B9D1: variants seen among roughly 807,000 people sequenced by gnomAD.
B9D1 encodes the protein B9 domain containing 1, also known as B9 domain-containing protein 1.
In B9D1, 20 loss-of-function variants were observed where a neutral mutation model predicts 26.1. That is an observed-to-expected ratio of 0.77 (90% confidence interval 0.54 to 1.12). B9D1 has a LOEUF of 1.12. B9D1 is among the 50% of genes most tolerant of loss of function. The pLI is 0.00. For synonymous variants in B9D1, 105 were observed against 103.1 expected, an observed-to-expected ratio of 1.02 and a Z score of -0.11; for missense variants, 260 against 273.7, an observed-to-expected ratio of 0.95 and a Z score of 0.35.
chr17:19,360,243 G>T, intron 2 of B9D1, 77 bp downstream of exon 2: 16 of 1,331,962 alleles, frequency 1.2e-5, no homozygotes, highest in Non-Finnish European at 1.6e-5. Flanking sequence ...TTCTGAATGG[G>T]GAGGGGAAGG....
chr17:19,342,297 G>C (rs139720172), downstream of B9D1, among the ~76,000 whole-genome samples: 1 of 152,302 alleles, frequency 6.6e-6, no homozygotes, highest in Non-Finnish European at 1.5e-5. Flanking sequence ...GAGTTGGGGG[G>C]AGGGCACGGG....
downstream of B9D1, among the ~76,000 whole-genome samples, chr17:19,339,098 G>C (rs1352412159): frequency 1.3e-5 from 2 of 152,200 alleles, no homozygotes; most frequent in African/African-American, 2.4e-5. Context: ...TTTACCAAAA[G>C]ACCAAGTTAT....
intron 1 of B9D1, among the ~76,000 whole-genome samples, chr17:19,369,587 C>T (rs984940305): frequency 6.6e-6 from 1 of 152,064 alleles, no homozygotes; most frequent in Non-Finnish European, 1.5e-5. Context: ...TGGGTTTTTA[C>T]AGGGTCCCTC....
At chr17:19,352,237 G>C (rs186432227) in intron 3 of B9D1, among the ~76,000 whole-genome samples, 266 of 152,138 alleles carry the variant, frequency 1.7e-3, no homozygotes, top group African/African-American at 6.1e-3. Context: ...ACCAACTTTT[G>C]CCTCTTTCAT....
At chr17:19,337,670 A>T (rs1256396591), downstream of B9D1, 6 of 1,517,974 alleles carry the variant, frequency 4.0e-6, no homozygotes, top group Middle Eastern at 3.4e-4. Context: ...GAAGTTTCTC[A>T]CAGAAGTCAG....
chr17:19,340,621 C>T (rs1439346320), downstream of B9D1, among the ~76,000 whole-genome samples: 5 of 151,454 alleles, frequency 3.3e-5, no homozygotes, highest in East Asian at 2.0e-4. Flanking sequence ...AACCCTGTCT[C>T]TACTAAAAAT....
At position 19,343,774 on chromosome 17, in the gene B9D1, G is replaced by T; in HGVS notation, c.472+16C>A. On this transcript the variant is annotated intron_variant, in intron 6 of 6. Coordinates refer to ENST00000261499, the MANE Select transcript of B9D1 (RefSeq NM_015681.6). ...CTGTATGGGGGATGGGGGTAAGAGAGGGGAGGGAGCTTTACCTTCCCGGCC... is the reference window on the plus strand; with the variant it reads ...CTGTATGGGGGATGGGGGTAAGAGATGGGAGGGAGCTTTACCTTCCCGGCC... 1 of 1,613,036 alleles carries T rather than the reference G, an allele frequency of 6.2e-7. No homozygotes were observed. The highest frequency in any genetic ancestry group is 1.3e-5 in the African/African-American group (1 of 75,032).
chr17:19,352,960 A>G (rs1177196825), intron 3 of B9D1, among the ~76,000 whole-genome samples: 2 of 149,106 alleles, frequency 1.3e-5, no homozygotes, highest in Non-Finnish European at 3.0e-5. Flanking sequence ...GAGCCACCAC[A>G]CACAGCCTTC....
At position 19,343,476 on chromosome 17, in the gene B9D1, G is replaced by T; in HGVS notation, c.473-15C>A. 1 of 1,614,140 alleles carries T rather than the reference G, an allele frequency of 6.2e-7. No individual in the cohort carries two copies. The highest frequency in any genetic ancestry group is 8.5e-7 in the Non-Finnish European group (1 of 1,180,008). ...GACACGGGTCACTGGGGACAGAAGG[G>T]CAGCATCAGCCAGGCTGGGCTGGGG... On this transcript the variant is annotated splice_polypyrimidine_tract_variant and intron_variant, in intron 6 of 6. Coordinates refer to ENST00000261499, the MANE Select transcript of B9D1 (RefSeq NM_015681.6).
intron 1 of B9D1, among the ~76,000 whole-genome samples, chr17:19,376,624 C>CAAAAAAAA (rs56972267): frequency 2.0e-4 from 10 of 48,956 alleles, no homozygotes; most frequent in East Asian, 8.5e-4. Context: ...TACTAAAATA[C>CAAAAAAAA]AAAAAAAAAA....
At chr17:19,361,619 G>A (rs550409216) in intron 1 of B9D1, among the ~76,000 whole-genome samples, 1 of 152,316 alleles carries the variant, frequency 6.6e-6, no homozygotes, top group Non-Finnish European at 1.5e-5. Flanking sequence ...CTAAGGCAGA[G>A]GCGGACAGGG....
rs878989980 is a variant in B9D1, at chr17:19,370,858, C to A, written c.-298+7001G>T. 6.6e-6 allele frequency among the ~76,000 whole-genome samples: 1 copy of A among 152,178 alleles called. No homozygotes were observed. Among genetic ancestry groups the A allele is most frequent in the African/African-American group, 2.4e-5 (1 of 41,448 alleles). On this transcript the variant is annotated intron_variant, in intron 1 of 5. Transcript: ENST00000477478. The surrounding 1 kb of genome is among the most constrained non-coding windows in gnomAD (Gnocchi z 5.1). ...GCAGTCCCTTTCCCACGGGGAGGGC[C>A]GCATGCAAATGCCACACTGAGCTGA...
chr17:19,346,567 T>C (rs1908825134), intron 5 of B9D1, among the ~76,000 whole-genome samples: 1 of 152,214 alleles, frequency 6.6e-6, no homozygotes, highest in African/African-American at 2.4e-5. Flanking sequence ...AGGGCCCAGC[T>C]GGCCCTCTAA....
intron 3 of B9D1, among the ~76,000 whole-genome samples, chr17:19,351,238 T>C (rs1470169346): frequency 1.3e-5 from 2 of 152,172 alleles, no homozygotes; most frequent in South Asian, 2.1e-4. Flanking sequence ...TCAAGCAATC[T>C]TCCCACCTCG....
rs573393393 is a variant in B9D1 at position 19,355,626 on chromosome 17, G to A, written c.244+2214C>T. On this transcript the variant is annotated intron_variant, in intron 3 of 6. Transcript: ENST00000261499. ...GGGCAGATCACGAGGTCAGGAGATC[G>A]AGACCATCCTGGCTAACACGGTGAA... Among the ~76,000 whole-genome samples the A allele has an allele frequency of 4.6e-3, 694 of 149,878 alleles. 4 individuals are homozygous for A. The highest frequency in any genetic ancestry group is 7.2e-3 in the Middle Eastern group (2 of 278).
chr17:19,336,990 C>T (rs1476762224), downstream of B9D1, among the ~76,000 whole-genome samples: 1 of 152,226 alleles, frequency 6.6e-6, no homozygotes, highest in Non-Finnish European at 1.5e-5. Context: ...CCTTCTGTGT[C>T]CGCCCTCTTA....
At chr17:19,343,120 C>G (rs1567880588), downstream of B9D1, 1 of 1,428,192 alleles carries the variant, frequency 7.0e-7, no homozygotes, top group East Asian at 2.5e-5. Flanking sequence ...CCAAGAGCCC[C>G]CAGCTCCTGT....
intron 1 of B9D1, among the ~76,000 whole-genome samples, chr17:19,377,155 C>T (rs1163669057): frequency 6.6e-6 from 1 of 152,242 alleles, no homozygotes; most frequent in African/African-American, 2.4e-5. Flanking sequence ...GTAGGACCTC[C>T]TGAGGCTGTC....
chr17:19,365,225 AG>A (rs1218396238), upstream of B9D1, among the ~76,000 whole-genome samples: 2 of 152,238 alleles, frequency 1.3e-5, no homozygotes, highest in Non-Finnish European at 2.9e-5. This position sits in a 1 kb window ranked among gnomAD's most constrained non-coding sequence, Gnocchi z 5.0. Context: ...GGCCCTGCTG[AG>A]GACAAGAGCA....
Sources: allele counts gnomAD v4.1 joint callset (sites outside exome capture counted in the v4.1 genomes callset), GRCh38; gene constraint gnomAD v4.1.1; non-coding constraint Gnocchi (gnomAD v3.1); transcripts MANE v1.5; gene names NCBI Gene and HGNC (gene_info 2026-07-23, HGNC 2026-07-21).